NUP93: variants seen among roughly 807,000 people sequenced by gnomAD.
NUP93 encodes nucleoporin 93.
A neutral mutation model predicts 107.8 loss-of-function variants in NUP93; 55 were observed. The observed-to-expected ratio is 0.51, with a 90% CI of 0.41 to 0.64. The LOEUF (loss-of-function observed/expected upper bound fraction) is 0.64, where lower values mean the gene tolerates loss of function less well. Ranked by LOEUF, NUP93 falls within the 30% of genes least tolerant of loss-of-function variation. The pLI is 0.00. For missense variants in NUP93, 937 were observed against 1,044.7 expected, an observed-to-expected ratio of 0.90 and a Z score of 1.42; for synonymous variants, 390 against 397.5, an observed-to-expected ratio of 0.98 and a Z score of 0.22.
At position 56,758,625 on chromosome 16, in the gene NUP93, T is replaced by C; in HGVS notation, c.267T>C (p.Pro89=). The change falls in exon 3 of 22, where the codon CCT becomes CCC. Residue 89 remains proline, a synonymous_variant. Transcript: ENST00000308159. ...TGAGTGCAGCCACCACCTTTGAGCCTCTTGAGCCTGTGAAGGACACTGACA... is the reference window on the plus strand; with the variant it reads ...TGAGTGCAGCCACCACCTTTGAGCCCCTTGAGCCTGTGAAGGACACTGACA... ...ESLSAATTFE[P]LEPVKDTDIQ... is the part of the protein sequence containing the mutation. The C allele has an allele frequency of 6.2e-7, 1 of 1,613,788 alleles. No homozygotes were observed. The highest frequency in any genetic ancestry group is 1.1e-5 in the South Asian group (1 of 91,070).
At chr16:56,820,111 A>AGGTGTAG (rs1963512613) in intron 6 of NUP93, among the ~76,000 whole-genome samples, 1 of 152,228 alleles carries the variant, frequency 6.6e-6, no homozygotes, top group African/African-American at 2.4e-5. Flanking sequence ...CTACACCTGC[A>AGGTGTAG]AAGACTAAAG....
chr16:56,756,348 A>G, intron 2 of NUP93, among the ~76,000 whole-genome samples: 1 of 116,174 alleles, frequency 8.6e-6, no homozygotes, highest in East Asian at 2.9e-4. Context: ...CCCCGTGTCC[A>G]TGTGTTCTCT....
intron 10 of NUP93, chr16:56,831,623 A>G: frequency 6.2e-6 from 3 of 484,878 alleles, no homozygotes; most frequent in South Asian, 4.9e-5. Context: ...GCCTCAGCAA[A>G]TAGAAAACCG....
At chr16:56,811,878 CTT>C (rs1858438496) in intron 5 of NUP93, among the ~76,000 whole-genome samples, 1 of 152,180 alleles carries the variant, frequency 6.6e-6, no homozygotes, top group African/African-American at 2.4e-5. Context: ...TTCTAGCATT[CTT>C]TGTGCGATTG....
chr16:56,827,881 A>C (rs112396190), intron 8 of NUP93, among the ~76,000 whole-genome samples: 4,305 of 152,274 alleles, frequency 0.028, 72 homozygotes, highest in South Asian at 0.06. Context: ...GCACTTTGGG[A>C]GGCCAAGGCG....
At chr16:56,827,071 T>TAAAAAAAAA (rs1567407800) in intron 8 of NUP93, among the ~76,000 whole-genome samples, 10 of 69,232 alleles carry the variant, frequency 1.4e-4, no homozygotes, top group African/African-American at 4.1e-4. Context: ...AAAAAAAAAT[T>TAAAAAAAAA]TTGTTGAGTC....
chr16:56,825,682 C>T (rs939299842), intron 8 of NUP93, among the ~76,000 whole-genome samples: 19 of 151,962 alleles, frequency 1.3e-4, no homozygotes, highest in African/African-American at 4.4e-4. Context: ...TTAGTCTTTT[C>T]GTTTAGTTTT....
intron 3 of NUP93, among the ~76,000 whole-genome samples, chr16:56,789,629 A>T (rs1962709108): frequency 6.6e-6 from 1 of 152,230 alleles, no homozygotes; most frequent in Admixed American, 6.5e-5. Context: ...GCTGAATGAG[A>T]GCAACTAGGC....
At chr16:56,768,455 C>G (rs143134446) in intron 3 of NUP93, among the ~76,000 whole-genome samples, 1 of 151,872 alleles carries the variant, frequency 6.6e-6, no homozygotes, top group Non-Finnish European at 1.5e-5. Flanking sequence ...CCTAGCTACT[C>G]GGGAGGCTGA....
intron 1 of NUP93, among the ~76,000 whole-genome samples, chr16:56,736,863 A>G (rs1219656764): frequency 5.3e-5 from 8 of 152,212 alleles, no homozygotes; most frequent in African/African-American, 1.9e-4. Context: ...AAATTATGTA[A>G]GATCACATAT....
chr16:56,763,736 A>G (rs1317224622), intron 3 of NUP93, among the ~76,000 whole-genome samples: 1 of 152,144 alleles, frequency 6.6e-6, no homozygotes, highest in Non-Finnish European at 1.5e-5. Context: ...CTGCTGAGGA[A>G]AAGACAAAAC....
chr16:56,841,506 G>T, intron 20 of NUP93, 199 bp from the exon 21 acceptor site: 1 of 591,856 alleles, frequency 1.7e-6, no homozygotes, highest in Non-Finnish European at 2.9e-6. Context: ...CCTGACCTGA[G>T]CAGCATTGCT....
intron 3 of NUP93, among the ~76,000 whole-genome samples, chr16:56,770,830 G>A (rs951108232): frequency 1.7e-4 from 26 of 152,116 alleles, no homozygotes; most frequent in African/African-American, 6.0e-4. Context: ...TTGGGAGGCC[G>A]AGGCTGGTGG....
chr16:56,766,505 T>C (rs1413019429), intron 3 of NUP93, among the ~76,000 whole-genome samples: 2 of 152,234 alleles, frequency 1.3e-5, no homozygotes, highest in African/African-American at 4.8e-5. Context: ...TGTCTTTTTA[T>C]CTGCTGAACT....
rs568454492 is a variant in NUP93 at position 56,828,369 on chromosome 16, TAATA to T, written c.795-604_795-601del. Among the ~76,000 whole-genome samples, 300 of 152,254 alleles carry T rather than the reference TAATA, an allele frequency of 2.0e-3. 3 individuals carry two copies. The highest frequency in any genetic ancestry group is 6.6e-3 in the African/African-American group (275 of 41,536). ...GAAATGTGGGTTATATTTTTGATAA[TAATA>T]AATTAATGTTAAGTTTCTTGGTATC... On this transcript the variant is annotated intron_variant, in intron 8 of 21. Transcript: ENST00000308159.
intron 5 of NUP93, among the ~76,000 whole-genome samples, chr16:56,807,097 C>T (rs540149117): frequency 2.6e-5 from 4 of 152,276 alleles, no homozygotes; most frequent in African/African-American, 7.2e-5. Flanking sequence ...GTCTTGTTGC[C>T]TCTCCAAGCT....
intron 2 of NUP93, among the ~76,000 whole-genome samples, chr16:56,750,407 T>C (rs576459342): frequency 1.3e-5 from 2 of 152,368 alleles, no homozygotes; most frequent in East Asian, 3.8e-4. Context: ...AAATAAGTTT[T>C]GAAAGAAAAT....
At chr16:56,747,124 G>C (rs1391823689) in intron 1 of NUP93, among the ~76,000 whole-genome samples, 1 of 151,740 alleles carries the variant, frequency 6.6e-6, no homozygotes, top group East Asian at 1.9e-4. Flanking sequence ...TCAGCTTCCC[G>C]AGTAGCTGGG....
rs1964160591 is a variant in NUP93, at chr16:56,850,222, A to T, written c.*5613A>T. 6.6e-6 allele frequency: 1 copy of T among 152,064 alleles called. No homozygotes were observed. The highest frequency in any genetic ancestry group is 6.6e-5 in the Admixed American group (1 of 15,256). 9.4% of individuals were successfully genotyped at this position (152,064 alleles called of 1,614,324 possible). Reference sequence around the variant, plus strand: ...TTTCTGTACAGTAACTTCTGCATTTACTCTGTTTAGGATGGTTCCTTCACC... The same window carrying T: ...TTTCTGTACAGTAACTTCTGCATTTTCTCTGTTTAGGATGGTTCCTTCACC... On this transcript the variant is annotated 3_prime_UTR_variant, in exon 22 of 22. Transcript: ENST00000308159.
Sources: gnomAD v4.1 joint callset for allele counts (sites outside exome capture counted in the v4.1 genomes callset) on GRCh38, gnomAD v4.1.1 for gene constraint, MANE v1.5 for transcripts, NCBI Gene and HGNC (gene_info 2026-07-23, HGNC 2026-07-21) for gene names.